Variants in PUDP observed in about 807,000 individuals in gnomAD.
PUDP encodes pseudouridine-5'-phosphatase.
Under a neutral mutation model 9.4 loss-of-function variants are expected in PUDP, and 8 were observed. That is an observed-to-expected ratio of 0.85 (90% CI 0.50 to 1.53). PUDP has a LOEUF of 1.53. PUDP is among the 40% of genes most tolerant of loss of function. The probability of loss-of-function intolerance (pLI) is 0.00; values close to 1 mark genes in which losing one functional copy is unlikely to be tolerated. For missense variants in PUDP, 188 were observed against 189.7 expected, an observed-to-expected ratio of 0.99 and a Z score of 0.05; for synonymous variants, 99 against 80.7, an observed-to-expected ratio of 1.23 and a Z score of -1.22.
At chrX:7,113,548 G>GT (rs1314290427) in intron 1 of PUDP, 1 of 112,685 alleles carries the variant, frequency 8.9e-6, no homozygotes, top group Non-Finnish European at 1.9e-5. Flanking sequence ...GGTCAGCAGT[G>GT]TTTTGAATGT....
At chrX:6,821,146 G>A (rs780357012) in intron 3 of PUDP, among the ~76,000 whole-genome samples, 35 of 111,139 alleles carry the variant, frequency 3.1e-4, no homozygotes, top group Middle Eastern at 4.6e-3. Context: ...ACTGAGACTG[G>A]GCGGCCATGG....
At chrX:7,069,294 G>A (rs931143285) in intron 3 of PUDP, among the ~76,000 whole-genome samples, 1 of 111,511 alleles carries the variant, frequency 9.0e-6, no homozygotes, top group Non-Finnish European at 1.9e-5. Flanking sequence ...GTCAGAAACA[G>A]GGATTGTGGC....
intron 3 of PUDP, among the ~76,000 whole-genome samples, chrX:6,735,044 A>G (rs1399697999): frequency 8.9e-6 from 1 of 112,046 alleles, no homozygotes; most frequent in Non-Finnish European, 1.9e-5. Flanking sequence ...CCCAACCACA[A>G]TCTGTTCTAC....
intron 3 of PUDP, among the ~76,000 whole-genome samples, chrX:6,744,262 A>C (rs1488054589): frequency 8.9e-6 from 1 of 112,348 alleles, no homozygotes; most frequent in Non-Finnish European, 1.9e-5. Flanking sequence ...AGAATGTTAA[A>C]AATGTTGGAT....
chrX:6,801,207 G>T (rs1052542660), intron 3 of PUDP, among the ~76,000 whole-genome samples: 5 of 112,182 alleles, frequency 4.5e-5, no homozygotes, highest in African/African-American at 1.6e-4. Flanking sequence ...CTTCCAGTTG[G>T]CCACAAAGAG....
At chrX:6,769,426 C>T (rs1178202920) in intron 3 of PUDP, among the ~76,000 whole-genome samples, 1 of 111,752 alleles carries the variant, frequency 8.9e-6, no homozygotes, top group Admixed American at 9.5e-5. Flanking sequence ...TCCTGCCTTG[C>T]TCTTCATTAA....
chrX:6,795,286 T>C (rs996861750), intron 3 of PUDP, among the ~76,000 whole-genome samples: 6 of 111,839 alleles, frequency 5.4e-5, no homozygotes, highest in African/African-American at 9.8e-5. Context: ...CTGTGAAGGA[T>C]CTGAAATTTC....
chrX:6,920,437 G>A (rs989649797), intron 3 of PUDP, among the ~76,000 whole-genome samples: 1 of 111,217 alleles, frequency 9.0e-6, no homozygotes, highest in Non-Finnish European at 1.9e-5. Flanking sequence ...TGCATTCTGT[G>A]GAAGGAAAAT....
chrX:7,079,454 G>GC (rs1931016354), intron 2 of PUDP, among the ~76,000 whole-genome samples: 1 of 112,475 alleles, frequency 8.9e-6, no homozygotes, highest in African/African-American at 3.2e-5. Flanking sequence ...CAGAACCACT[G>GC]TCAAGCAACC....
chrX:6,923,198 G>C (rs186115682), intron 3 of PUDP, among the ~76,000 whole-genome samples: 10 of 111,330 alleles, frequency 9.0e-5, no homozygotes, highest in Non-Finnish European at 1.3e-4. Context: ...CTTTCTCTGT[G>C]TGCTTCCTCC....
At chrX:7,066,740 T>C (rs763939464) in intron 3 of PUDP, among the ~76,000 whole-genome samples, 1 of 111,918 alleles carries the variant, frequency 8.9e-6, no homozygotes, top group South Asian at 3.7e-4. Flanking sequence ...TGCAATTTTT[T>C]GGTTTACAAC....
intron 3 of PUDP, among the ~76,000 whole-genome samples, chrX:7,068,837 T>C (rs373478298): frequency 2.7e-5 from 3 of 111,337 alleles, no homozygotes; most frequent in East Asian, 5.7e-4. Context: ...CAAGAGTAGA[T>C]TTAAGGTAGG....
intron 3 of PUDP, among the ~76,000 whole-genome samples, chrX:6,913,101 T>A (rs1927873185): frequency 8.9e-6 from 1 of 111,901 alleles, no homozygotes; most frequent in Non-Finnish European, 1.9e-5. Context: ...TTATATCGCT[T>A]ACAAATCCTA....
At chrX:6,814,827 T>C (rs773693123) in intron 3 of PUDP, among the ~76,000 whole-genome samples, 1 of 111,768 alleles carries the variant, frequency 8.9e-6, no homozygotes, top group Non-Finnish European at 1.9e-5. Context: ...CAACCAAAAA[T>C]GCCCTTAAAA....
At chrX:6,853,912 C>T (rs1926866684) in intron 3 of PUDP, among the ~76,000 whole-genome samples, 1 of 110,970 alleles carries the variant, frequency 9.0e-6, no homozygotes, top group African/African-American at 3.3e-5. Flanking sequence ...TACAGCCATG[C>T]ACCACCACAC....
chrX:7,110,751 T>G, intron 1 of PUDP, among the ~76,000 whole-genome samples: 1 of 89,996 alleles, frequency 1.1e-5, no homozygotes, highest in African/African-American at 4.3e-5. Context: ...GTTGTTCTCT[T>G]GCGGGCAGGG....
intron 3 of PUDP, among the ~76,000 whole-genome samples, chrX:7,069,391 G>A (rs755290338): frequency 1.9e-4 from 21 of 111,172 alleles, no homozygotes; most frequent in Non-Finnish European, 3.2e-4. Flanking sequence ...TTCTGGACAC[G>A]GACGTAAGGC....
At chrX:6,786,893 T>C (rs563716870) in intron 3 of PUDP, among the ~76,000 whole-genome samples, 2 of 111,810 alleles carry the variant, frequency 1.8e-5, no homozygotes, top group East Asian at 2.8e-4. Context: ...GTTTGTTTGT[T>C]TTTTCAATAT....
chrX:6,789,301 A>G (rs1241026115), intron 3 of PUDP, among the ~76,000 whole-genome samples: 2 of 101,893 alleles, frequency 2.0e-5, no homozygotes, highest in Non-Finnish European at 4.0e-5. Context: ...AAATAAATAA[A>G]TAAATAAATA....
Sources: gnomAD v4.1 joint callset for allele counts (sites outside exome capture counted in the v4.1 genomes callset) on GRCh38, gnomAD v4.1.1 for gene constraint, MANE v1.5 for transcripts, NCBI Gene and HGNC (gene_info 2026-07-23, HGNC 2026-07-21) for gene names.